The following CORO2B variants were observed in gnomAD, a reference collection of about 807,000 sequenced individuals.
CORO2B encodes the protein coronin 2B.
A neutral mutation model predicts 58.8 loss-of-function variants in CORO2B; 26 were observed. That is an observed-to-expected ratio of 0.44 (90% CI 0.32 to 0.61). The LOEUF is 0.61. Among genes scored for constraint, CORO2B ranks in the 20% least tolerant of loss-of-function variants. The probability of loss-of-function intolerance (pLI) is 0.04; values close to 1 mark genes in which losing one functional copy is unlikely to be tolerated. For synonymous variants in CORO2B, 242 were observed against 253.8 expected, an observed-to-expected ratio of 0.95 and a Z score of 0.44; for missense variants, 460 against 645.1, an observed-to-expected ratio of 0.71 and a Z score of 3.11.
intron 2 of CORO2B, among the ~76,000 whole-genome samples, chr15:68,651,588 G>A (rs1423733333): frequency 1.3e-5 from 2 of 152,164 alleles, no homozygotes; most frequent in Non-Finnish European, 2.9e-5. Context: ...TTAATTCATG[G>A]TGGGACAGTC....
chr15:68,593,569 A>C (rs1001448682), intron 1 of CORO2B, among the ~76,000 whole-genome samples: 7 of 152,138 alleles, frequency 4.6e-5, no homozygotes, highest in Non-Finnish European at 7.4e-5. Context: ...GACTTCACAC[A>C]TGAGAGTGTC....
At chr15:68,705,151 A>G (rs557508576) in intron 3 of CORO2B, among the ~76,000 whole-genome samples, 4 of 152,212 alleles carry the variant, frequency 2.6e-5, no homozygotes, top group Non-Finnish European at 5.9e-5. Flanking sequence ...ATGTCAAAGC[A>G]GAAAAGTTTG....
chr15:68,690,856 T>C (rs903721034), intron 2 of CORO2B, among the ~76,000 whole-genome samples: 1 of 151,750 alleles, frequency 6.6e-6, no homozygotes, highest in African/African-American at 2.4e-5. Context: ...AATTTTGCCA[T>C]GTTTCCCAGG....
chr15:68,544,807 C>T, the CORO2B span, among the ~76,000 whole-genome samples: 3,546 of 149,986 alleles, frequency 0.024, 50 homozygotes, highest in Non-Finnish European at 0.032. Flanking sequence ...GATGGACTCT[C>T]GCTCTGTCGC....
At chr15:68,558,979 CGT>C in the CORO2B span, among the ~76,000 whole-genome samples, 1 of 151,984 alleles carries the variant, frequency 6.6e-6, no homozygotes, top group Non-Finnish European at 1.5e-5. Flanking sequence ...CAGGAATGAG[CGT>C]GTCTGTCTTT....
chr15:68,602,360 G>T (rs769034586), intron 1 of CORO2B, among the ~76,000 whole-genome samples: 1 of 151,404 alleles, frequency 6.6e-6, no homozygotes, highest in Non-Finnish European at 1.5e-5. Context: ...GACAGGAAGG[G>T]TTTTGCCATG....
chr15:68,646,991 G>A (rs561339653), intron 2 of CORO2B, among the ~76,000 whole-genome samples: 1 of 152,276 alleles, frequency 6.6e-6, no homozygotes, highest in South Asian at 2.1e-4. Context: ...CATGTGGGCT[G>A]GTTCTTACTG....
chr15:68,533,432 C>A, the CORO2B span, among the ~76,000 whole-genome samples: 1 of 152,044 alleles, frequency 6.6e-6, no homozygotes, highest in East Asian at 1.9e-4. Flanking sequence ...AATATATGTG[C>A]AAAATTGTTA....
chr15:68,535,150 G>A, the CORO2B span, among the ~76,000 whole-genome samples: 1,175 of 152,272 alleles, frequency 7.7e-3, 18 homozygotes, highest in African/African-American at 0.026. Flanking sequence ...TGCCCACCCC[G>A]AGGAAGGATC....
the CORO2B span, among the ~76,000 whole-genome samples, chr15:68,560,180 G>C: frequency 5.9e-5 from 9 of 152,222 alleles, no homozygotes; most frequent in African/African-American, 2.2e-4. Flanking sequence ...AGGAGGTGCT[G>C]GAGGCTGCTA....
intron 1 of CORO2B, chr15:68,632,133 G>A (rs1017274224): frequency 4.2e-5 from 41 of 985,360 alleles, no homozygotes; most frequent in Middle Eastern, 5.2e-4. Context: ...CTGCTGCAGC[G>A]GGGTCTCTGG....
At chr15:68,600,622 C>T (rs1041550111) in intron 1 of CORO2B, among the ~76,000 whole-genome samples, 10 of 152,298 alleles carry the variant, frequency 6.6e-5, no homozygotes, top group African/African-American at 2.4e-4. Flanking sequence ...CCTTCAGATA[C>T]CCTTGTGCCC....
At chr15:68,519,533 T>C in the CORO2B span, among the ~76,000 whole-genome samples, 1 of 152,214 alleles carries the variant, frequency 6.6e-6, no homozygotes, top group Non-Finnish European at 1.5e-5. Context: ...ATTACTCATA[T>C]TGATGATTTT....
chr15:68,633,406 C>T (rs983095271), intron 1 of CORO2B, among the ~76,000 whole-genome samples: 3 of 152,060 alleles, frequency 2.0e-5, no homozygotes, highest in African/African-American at 7.2e-5. Flanking sequence ...TCCTCAGTAC[C>T]ATTAAGTTTA....
At chr15:68,713,818 G>C in intron 5 of CORO2B, 107 bp from the exon 6 acceptor site, 1 of 734,654 alleles carries the variant, frequency 1.4e-6, no homozygotes. Flanking sequence ...TAATTGCAGG[G>C]GCCAGGGCTG....
chr15:68,671,114 C>T (rs182262844), intron 2 of CORO2B, among the ~76,000 whole-genome samples: 6 of 152,236 alleles, frequency 3.9e-5, no homozygotes, highest in South Asian at 2.1e-4. Context: ...ACAACGCAGC[C>T]GTGAAAATCA....
chr15:68,606,563 T>G (rs1900130112), intron 1 of CORO2B, among the ~76,000 whole-genome samples: 1 of 152,208 alleles, frequency 6.6e-6, no homozygotes, highest in African/African-American at 2.4e-5. Flanking sequence ...ACATTTTCCA[T>G]ACCCCAAATT....
At chr15:68,600,001 G>T (rs1311298769) in intron 1 of CORO2B, among the ~76,000 whole-genome samples, 1 of 152,150 alleles carries the variant, frequency 6.6e-6, no homozygotes, top group Non-Finnish European at 1.5e-5. Context: ...GCTGCTTGGG[G>T]TAGGCCCCCT....
chr15:68,569,154 G>A, the CORO2B span, among the ~76,000 whole-genome samples: 1 of 152,174 alleles, frequency 6.6e-6, no homozygotes, highest in African/African-American at 2.4e-5. Flanking sequence ...ATCACCCAGA[G>A]TCCAGAGTTT....
Sources: allele counts gnomAD v4.1 joint callset (sites outside exome capture counted in the v4.1 genomes callset), GRCh38; gene constraint gnomAD v4.1.1; transcripts MANE v1.5; gene names NCBI Gene and HGNC (gene_info 2026-07-23, HGNC 2026-07-21).